The following NUP133 variants were observed in gnomAD, a reference collection of about 807,000 sequenced individuals.
NUP133 encodes the protein nucleoporin 133.
A neutral mutation model predicts 146.2 loss-of-function variants in NUP133; 66 were observed. The ratio of observed to expected loss-of-function variants is 0.45; its 90% CI spans 0.37 to 0.55. NUP133 has a LOEUF of 0.55. NUP133 is among the 20% of genes least tolerant of loss of function. The pLI is 0.00. For missense variants in NUP133, 1,277 were observed against 1,374.8 expected (o/e 0.93, Z 1.12); for synonymous variants, 521 against 498.8 (o/e 1.04, Z -0.59).
Position 229,487,523 on chromosome 1 carries a change from A to T in NUP133, c.1285T>A (p.Ser429Thr). ...LYNESAVYVC[S>T]TGTGKFSLPQ... is the part of the protein sequence containing the mutation. ...AGAGAAAATTTCCCAGTTCCTGTGG[A>T]GCACACATAGACAGCACTTTCGTTA... Residue 429 changes from serine to threonine, a missense_variant, in exon 10 of 26, where the codon TCC becomes ACC. Physicochemically the swap from Ser to Thr is moderately conservative, Grantham distance 58. Around this residue, in one of 3 missense-constraint regions of NUP133, gnomAD observed 952 missense variants for 1,047.0 expected, o/e 0.91. Coordinates refer to ENST00000261396, the MANE Select transcript of NUP133 (RefSeq NM_018230.3). 6.2e-7 allele frequency: 1 copy of T among 1,613,854 alleles called. No homozygotes were observed. The highest frequency in any genetic ancestry group is 8.5e-7 in the Non-Finnish European group (1 of 1,179,928).
chr1:229,440,397 C>T lies in NUP133; in HGVS notation c.*1507G>A, dbSNP rs1374778966. 6 of 151,918 alleles carry T rather than the reference C, an allele frequency of 3.9e-5. No homozygotes were observed. In the South Asian group the frequency reaches 1.0e-3, roughly 26 times the overall value. The allele number at this position is 151,918 out of a possible 1,614,324, so 9.4% of individuals were successfully genotyped here. A position where few individuals can be genotyped will look rare whatever the true frequency, so the allele number is the denominator to read the frequency against. On this transcript the variant is annotated 3_prime_UTR_variant, in exon 26 of 26. Coordinates refer to ENST00000261396, the MANE Select transcript of NUP133 (RefSeq NM_018230.3). Reference sequence around the variant, plus strand: ...CCTTGAACAGGATGACTCTACTTCACACGGTAAGAGCAGTCGTTCTACGTC... The same window carrying T: ...CCTTGAACAGGATGACTCTACTTCATACGGTAAGAGCAGTCGTTCTACGTC...
intron 14 of NUP133, 103 bp from the exon 15 acceptor site, chr1:229,470,907 C>G: frequency 1.1e-6 from 1 of 928,842 alleles, no homozygotes. Flanking sequence ...TCACTGGCCC[C>G]AGCTTTCCCC....
Position 229,463,060 on chromosome 1 carries a change from C to T in NUP133, c.2685+483G>A, listed in dbSNP as rs1307007007. Among the ~76,000 whole-genome samples, 3 of 152,038 alleles carry T rather than the reference C, an allele frequency of 2.0e-5. No homozygotes were observed. In the East Asian group the frequency reaches 5.8e-4, roughly 29 times the overall value. On this transcript the variant is annotated intron_variant, in intron 19 of 25. Transcript: ENST00000261396. Reference sequence around the variant, plus strand: ...TAAACAGAAATGAAAGTTATATTTTCCAAAGGTCAAAGAATCTTTCAGTAA... The same window carrying T: ...TAAACAGAAATGAAAGTTATATTTTTCAAAGGTCAAAGAATCTTTCAGTAA...
chr1:229,448,931 T>C (rs929090352), intron 24 of NUP133, 195 bp downstream of exon 24: 7 of 572,292 alleles, frequency 1.2e-5, no homozygotes, highest in Non-Finnish European at 2.2e-5. Context: ...GGTTGTAGAT[T>C]GTATCAGGAC....
chr1:229,458,902 T>C (rs1660628580), intron 20 of NUP133, among the ~76,000 whole-genome samples: 1 of 152,064 alleles, frequency 6.6e-6, no homozygotes, highest in African/African-American at 2.4e-5. Flanking sequence ...ATTGAGATAT[T>C]AGAATGGCAA....
At chr1:229,449,070 A>G (rs1327331457) in intron 24 of NUP133, 56 bp downstream of exon 24, 32 of 1,283,078 alleles carry the variant, frequency 2.5e-5, no homozygotes, top group Non-Finnish European at 3.3e-5. Context: ...ATGTGGTGAG[A>G]GCAGAGGAAA....
intron 18 of NUP133, 150 bp downstream of exon 18, chr1:229,464,474 A>T (rs1558094213): frequency 2.2e-6 from 2 of 908,536 alleles, no homozygotes; most frequent in Non-Finnish European, 3.3e-6. Context: ...AAAAAAGTTG[A>T]ATAAATGAGC....
intron 24 of NUP133, among the ~76,000 whole-genome samples, chr1:229,447,687 C>T (rs1205914999): frequency 6.6e-6 from 1 of 152,122 alleles, no homozygotes; most frequent in African/African-American, 2.4e-5. Flanking sequence ...CACAAAACGA[C>T]AGGGTTTGAA....
chr1:229,445,830 C>T (rs905243555), intron 24 of NUP133, among the ~76,000 whole-genome samples: 1 of 152,178 alleles, frequency 6.6e-6, no homozygotes, highest in African/African-American at 2.4e-5. Flanking sequence ...GGACTGACCT[C>T]TAAGACTAAA....
rs1396053689 is a variant in NUP133 at position 229,477,591 on chromosome 1, T to G, written c.1756+6A>C. 2.6e-5 allele frequency: 42 copies of G among 1,601,808 alleles called. No homozygotes were observed. Among genetic ancestry groups the G allele is most frequent in the Non-Finnish European group, 3.2e-5 (38 of 1,173,130 alleles). On this transcript the variant is annotated splice_donor_region_variant and intron_variant, in intron 13 of 25. Coordinates refer to ENST00000261396, the MANE Select transcript of NUP133 (RefSeq NM_018230.3). ...ACACACCGTTCCATAATTGAAACAT[T>G]CTTACCCTCAGGGACAGACTCAGCC... is the stretch of plus-strand genomic sequence containing the variant.
intron 15 of NUP133, among the ~76,000 whole-genome samples, chr1:229,467,272 T>G (rs965645073): frequency 1.1e-4 from 16 of 152,242 alleles, no homozygotes; most frequent in Non-Finnish European, 5.9e-5. Context: ...AATTAATACA[T>G]GGAGATAACA....
At chr1:229,452,452 A>G in intron 22 of NUP133, 73 bp downstream of exon 22, 1 of 1,170,298 alleles carries the variant, frequency 8.5e-7, no homozygotes. Flanking sequence ...TAGGAACTAT[A>G]CTACATGGCC....
At position 229,441,940 on chromosome 1, in the gene NUP133, T is replaced by G; in HGVS notation, c.3435A>C (p.Lys1145Asn). ...CCTGAACATAATATTCATAATTTGCTTTCAAAACAAACTCGAAGTAAGGAT... is the reference window on the plus strand; with the variant it reads ...CCTGAACATAATATTCATAATTTGCGTTCAAAACAAACTCGAAGTAAGGAT... Reference protein sequence around the residue: ...KSNPYFEFVLKANYEYYVQGQ... With the variant: ...KSNPYFEFVLNANYEYYVQGQ... The change falls in exon 26 of 26, where the codon AAA (lysine) becomes AAC (asparagine). Residue 1145 changes from lysine to asparagine, a missense_variant. Around this residue, in one of 3 missense-constraint regions of NUP133, gnomAD observed 952 missense variants for 1,047.0 expected, o/e 0.91. Transcript: ENST00000261396. The G allele has an allele frequency of 6.3e-7, 1 of 1,580,622 alleles. No individual in the cohort carries two copies. The highest frequency in any genetic ancestry group is 1.2e-5 in the South Asian group (1 of 84,086).
chr1:229,440,971 C>T lies in NUP133; in HGVS notation c.*933G>A, dbSNP rs1367643145. ...TAGTGGGCATTCTACTGGGCCAAGC[C>T]GCGGACATGCCAGCAACTCCCTGTC... On this transcript the variant is annotated 3_prime_UTR_variant, in exon 26 of 26. Transcript: ENST00000261396. 1 of 157,452 alleles carries T rather than the reference C, an allele frequency of 6.4e-6. No homozygotes were observed. 9.8% of individuals were successfully genotyped at this position (157,452 alleles called of 1,614,324 possible). A position where few individuals can be genotyped will look rare whatever the true frequency, so the allele number is the denominator to read the frequency against.
intron 9 of NUP133, among the ~76,000 whole-genome samples, chr1:229,488,133 AC>A (rs1661408278): frequency 6.6e-6 from 1 of 152,174 alleles, no homozygotes; most frequent in Admixed American, 6.5e-5. Flanking sequence ...GGCGTGAGCC[AC>A]CGCACCTGGC....
intron 9 of NUP133, among the ~76,000 whole-genome samples, chr1:229,489,415 GA>G (rs1661454714): frequency 6.6e-6 from 1 of 152,192 alleles, no homozygotes; most frequent in South Asian, 2.1e-4. Context: ...TAGAGCAGAA[GA>G]AACAAACTGC....
At chr1:229,508,031 C>A in intron 1 of NUP133, 37 bp downstream of exon 1, 1 of 1,423,612 alleles carries the variant, frequency 7.0e-7, no homozygotes, top group Non-Finnish European at 9.2e-7. Context: ...GCCCGTGAGG[C>A]TGTTGGTTGC....
In NUP133 at chr1:229,464,786, G is replaced by A. The variant is rs765149518; in HGVS notation, c.2389C>T (p.Leu797Phe). ...AGCTGCTCGGTCACGATGTTTCGGA[G>A]GTTGCTGTCTGCCTGTGGATAAGCC... ...KVAYPQADSN[L>F]RNIVTEQLVA... is the part of the protein sequence containing the mutation. Residue 797 changes from leucine to phenylalanine, a missense_variant, in exon 18 of 26, where the codon CTC becomes TTC. By Grantham distance (22) the Leu-to-Phe change is conservative (BLOSUM62 0). Around this residue, in one of 3 missense-constraint regions of NUP133, gnomAD observed 952 missense variants for 1,047.0 expected, o/e 0.91. Transcript: ENST00000261396. 7 of 1,614,206 alleles carry A rather than the reference G, an allele frequency of 4.3e-6. No homozygotes were observed. The East Asian group carries it at 1.1e-4, about 26-fold the overall frequency.
chr1:229,442,684 AC>A (rs958859297), intron 25 of NUP133, among the ~76,000 whole-genome samples: 3 of 150,836 alleles, frequency 2.0e-5, no homozygotes, highest in Admixed American at 1.3e-4. Context: ...TAAAAAAAAA[AC>A]TCAAAGGGCC....
Sources: gnomAD v4.1 joint callset for allele counts (sites outside exome capture counted in the v4.1 genomes callset) on GRCh38, gnomAD v4.1.1 for gene constraint, gnomAD v4.1.1 regional missense constraint, MANE v1.5 for transcripts, NCBI Gene and HGNC (gene_info 2026-07-23, HGNC 2026-07-21) for gene names.